MTFR1: variants seen among roughly 807,000 people sequenced by gnomAD.
The protein encoded by MTFR1 is chondrocyte protein with a poly-proline region.
Under a neutral mutation model 38.8 loss-of-function variants are expected in MTFR1, and 28 were observed. The observed-to-expected ratio is 0.72, with a 90% CI of 0.53 to 0.99. The LOEUF (loss-of-function observed/expected upper bound fraction) is 0.99. Ranked by LOEUF, MTFR1 falls within the 50% of genes least tolerant of loss-of-function variation. The pLI is 0.00. For synonymous variants in MTFR1, 145 were observed against 137.0 expected, an observed-to-expected ratio of 1.06 and a Z score of -0.41; for missense variants, 358 against 395.5, an observed-to-expected ratio of 0.91 and a Z score of 0.81.
intron 1 of MTFR1, among the ~76,000 whole-genome samples, chr8:65,648,781 A>G (rs1391651262): frequency 6.6e-6 from 1 of 152,236 alleles, no homozygotes; most frequent in Non-Finnish European, 1.5e-5. Context: ...TAATGTACAT[A>G]TAAATATATA....
intron 1 of MTFR1, among the ~76,000 whole-genome samples, chr8:65,661,889 G>C (rs540624562): frequency 6.6e-6 from 1 of 151,990 alleles, no homozygotes; most frequent in African/African-American, 2.4e-5. Context: ...GCTTGAACTC[G>C]AGAGGTGGAG....
intron 4 of MTFR1, among the ~76,000 whole-genome samples, chr8:65,700,359 A>G (rs1395205647): frequency 5.3e-5 from 8 of 151,478 alleles, no homozygotes; most frequent in African/African-American, 1.9e-4. Context: ...TAAAAAAAAA[A>G]AAAAAAAGAA....
rs1392134811 is a variant in MTFR1, at chr8:65,706,992, T to C, written c.518-18T>C. On this transcript the variant is annotated intron_variant, in intron 5 of 7. Transcript: ENST00000262146. Reference sequence around the variant, plus strand: ...TTAATACCAGTGGGATTAAGTTTGTTTTCCTTTGTTTCTGTAGGTGACTTA... The same window carrying C: ...TTAATACCAGTGGGATTAAGTTTGTCTTCCTTTGTTTCTGTAGGTGACTTA... 6.4e-7 allele frequency: 1 copy of C among 1,565,506 alleles called. No homozygotes were observed. Among genetic ancestry groups the C allele is most frequent in the Non-Finnish European group, 8.6e-7 (1 of 1,158,900 alleles).
intron 3 of MTFR1, among the ~76,000 whole-genome samples, chr8:65,731,980 A>ATTG (rs1477616638): frequency 1.8e-4 from 28 of 151,572 alleles, no homozygotes; most frequent in African/African-American, 4.1e-4. Flanking sequence ...TATTATTATT[A>ATTG]TTATTATTGT....
intron 3 of MTFR1, among the ~76,000 whole-genome samples, chr8:65,760,845 C>A (rs1808452445): frequency 1.3e-5 from 2 of 151,994 alleles, no homozygotes; most frequent in African/African-American, 2.4e-5. Context: ...GTTAGCGAAA[C>A]CTGAGTGAAA....
At chr8:65,770,701 C>T (rs550144885) in intron 3 of MTFR1, among the ~76,000 whole-genome samples, 3 of 152,272 alleles carry the variant, frequency 2.0e-5, no homozygotes, top group African/African-American at 7.2e-5. Flanking sequence ...ATGATGACTC[C>T]ATTTGCATAC....
chr8:65,682,651 T>C, intron 3 of MTFR1, 200 bp downstream of exon 3: 2 of 633,364 alleles, frequency 3.2e-6, no homozygotes, highest in South Asian at 7.1e-5. Context: ...ATTTTTAAGA[T>C]ATTTATCCTT....
intron 3 of MTFR1, among the ~76,000 whole-genome samples, chr8:65,683,132 C>CTTTTTTTTTTTTTTTTTT (rs748824241): frequency 2.5e-5 from 3 of 121,682 alleles, no homozygotes; most frequent in Non-Finnish European, 5.1e-5. Flanking sequence ...TTCTTTCTTT[C>CTTTTTTTTTTTTTTTTTT]TTTTTTTTTT....
chr8:65,757,293 C>T (rs1208689077), intron 3 of MTFR1, among the ~76,000 whole-genome samples: 1 of 152,224 alleles, frequency 6.6e-6, no homozygotes, highest in Non-Finnish European at 1.5e-5. Context: ...CAACAAAAGA[C>T]TGTAACAAGG....
At chr8:65,745,824 A>C (rs1197605207) in intron 3 of MTFR1, among the ~76,000 whole-genome samples, 1 of 152,256 alleles carries the variant, frequency 6.6e-6, no homozygotes, top group Non-Finnish European at 1.5e-5. Context: ...AATTGCAAAC[A>C]ATCTAATAAA....
chr8:65,731,527 C>T (rs1317910369), intron 3 of MTFR1: 1 of 152,150 alleles, frequency 6.6e-6, no homozygotes, highest in Non-Finnish European at 1.5e-5. Context: ...AAGGGAAAAT[C>T]ACAATCTCTT....
chr8:65,669,828 AAAT>A, intron 1 of MTFR1, 42 bp from the exon 2 acceptor site: 1 of 818,560 alleles, frequency 1.2e-6, no homozygotes, highest in South Asian at 1.6e-5. Flanking sequence ...TACAAATTCT[AAAT>A]AATAATGATT....
At chr8:65,683,481 C>CT (rs150514298) in intron 3 of MTFR1, among the ~76,000 whole-genome samples, 6,318 of 151,758 alleles carry the variant, frequency 0.042, 195 homozygotes, top group Non-Finnish European at 0.063. Context: ...TAACTTTGTT[C>CT]TTTTTTTTAG....
chr8:65,679,976 C>G (rs1804826889), intron 2 of MTFR1, among the ~76,000 whole-genome samples: 2 of 152,094 alleles, frequency 1.3e-5, no homozygotes, highest in South Asian at 4.1e-4. Flanking sequence ...ATTTACATTT[C>G]CGAAGCAAGA....
chr8:65,734,699 T>A (rs1807049052), intron 3 of MTFR1: 1 of 721,344 alleles, frequency 1.4e-6, no homozygotes, highest in Admixed American at 2.1e-5. Context: ...GTCTGTGATT[T>A]TCAGTCAAAG....
chr8:65,645,177 G>A (rs1423412201), intron 1 of MTFR1, among the ~76,000 whole-genome samples: 6 of 152,220 alleles, frequency 3.9e-5, no homozygotes, highest in Admixed American at 3.3e-4. Flanking sequence ...CCTTCGCGGC[G>A]GCTCCCTTGG....
intron 1 of MTFR1, among the ~76,000 whole-genome samples, chr8:65,666,926 C>T (rs1481707493): frequency 6.6e-6 from 1 of 152,170 alleles, no homozygotes; most frequent in African/African-American, 2.4e-5. Context: ...GATACACATA[C>T]TGTATATCTG....
intron 3 of MTFR1, among the ~76,000 whole-genome samples, chr8:65,748,679 G>A (rs947452331): frequency 3.9e-5 from 6 of 152,280 alleles, no homozygotes; most frequent in Non-Finnish European, 7.4e-5. Flanking sequence ...AGGTGAAATG[G>A]AAGGTAATCA....
At chr8:65,708,061 T>C (rs117246986) in intron 7 of MTFR1, 50 bp downstream of exon 7, 1 of 1,606,736 alleles carries the variant, frequency 6.2e-7, no homozygotes, top group Admixed American at 1.7e-5. Context: ...ATCCATCCCA[T>C]TGCCAAGCAC....
Sources: gnomAD v4.1 joint callset for allele counts (sites outside exome capture counted in the v4.1 genomes callset) on GRCh38, gnomAD v4.1.1 for gene constraint, MANE v1.5 for transcripts, NCBI Gene and HGNC (gene_info 2026-07-23, HGNC 2026-07-21) for gene names.